GPC5: variants seen among roughly 807,000 people sequenced by gnomAD.
GPC5 encodes the protein glypican-5.
Under a neutral mutation model 53.9 loss-of-function variants are expected in GPC5, and 47 were observed. The ratio of observed to expected loss-of-function variants is 0.87; its 90% CI spans 0.69 to 1.11. The LOEUF (loss-of-function observed/expected upper bound fraction) is 1.11. GPC5 is among the 50% of genes most tolerant of loss of function. The probability of loss-of-function intolerance (pLI) is 0.00; values close to 1 mark genes in which losing one functional copy is unlikely to be tolerated. For missense variants in GPC5, 748 were observed against 713.1 expected, an observed-to-expected ratio of 1.05 and a Z score of -0.56; for synonymous variants, 286 against 263.3, an observed-to-expected ratio of 1.09 and a Z score of -0.84.
At chr13:91,658,285 T>C (rs766747930) in intron 2 of GPC5, among the ~76,000 whole-genome samples, 90 of 152,158 alleles carry the variant, frequency 5.9e-4, no homozygotes, top group Non-Finnish European at 1.8e-4. Flanking sequence ...TAAAATTCAA[T>C]TGAAATATAA....
chr13:92,544,938 CTTTAAG>C (rs1237026942), intron 7 of GPC5, among the ~76,000 whole-genome samples: 3 of 151,368 alleles, frequency 2.0e-5, no homozygotes, highest in Admixed American at 2.0e-4. Context: ...TTTTATTATA[CTTTAAG>C]TTTTAGGGTA....
chr13:92,784,166 G>A (rs1329825576), intron 7 of GPC5, among the ~76,000 whole-genome samples: 2 of 152,096 alleles, frequency 1.3e-5, no homozygotes, highest in East Asian at 3.8e-4. Flanking sequence ...GGTAAACTCA[G>A]GAACAGTGAG....
intron 7 of GPC5, among the ~76,000 whole-genome samples, chr13:92,838,720 C>T (rs1181490601): frequency 3.3e-5 from 5 of 152,016 alleles, no homozygotes; most frequent in African/African-American, 1.2e-4. Context: ...ACATAAAGAA[C>T]CACTGTAGAA....
chr13:92,774,342 T>C (rs1328128567), intron 7 of GPC5, among the ~76,000 whole-genome samples: 1 of 152,206 alleles, frequency 6.6e-6, no homozygotes, highest in Non-Finnish European at 1.5e-5. Context: ...TAACTTGTAG[T>C]GGTCTGTACA....
chr13:92,610,030 C>CAA (rs56913637), intron 7 of GPC5, among the ~76,000 whole-genome samples: 22,816 of 70,800 alleles, frequency 0.32, 4,887 homozygotes, highest in East Asian at 0.64. Context: ...GACTCCATCT[C>CAA]AAAAAAAAAA....
At chr13:92,680,605 T>C (rs976138305) in intron 7 of GPC5, among the ~76,000 whole-genome samples, 9 of 152,162 alleles carry the variant, frequency 5.9e-5, no homozygotes, top group East Asian at 3.9e-4. Context: ...CCTCATTCTT[T>C]CCATCAAATA....
chr13:92,204,189 G>A (rs1998890), intron 7 of GPC5, among the ~76,000 whole-genome samples: 90,810 of 151,918 alleles, frequency 0.6, 27,829 homozygotes, highest in Middle Eastern at 0.74. Flanking sequence ...CCTAGTGAGA[G>A]ACAAGGAAAT....
intron 2 of GPC5, among the ~76,000 whole-genome samples, chr13:91,664,229 TCAGGCAGG>T (rs2035052218): frequency 6.6e-6 from 1 of 152,228 alleles, no homozygotes; most frequent in African/African-American, 2.4e-5. Flanking sequence ...GTAGCACACT[TCAGGCAGG>T]TTAATTACGC....
intron 7 of GPC5, among the ~76,000 whole-genome samples, chr13:92,544,875 A>G (rs4542527): frequency 6.6e-6 from 1 of 151,768 alleles, no homozygotes; most frequent in African/African-American, 2.4e-5. Context: ...GGGTAAAGTT[A>G]AAAAACTCTC....
intron 2 of GPC5, among the ~76,000 whole-genome samples, chr13:91,648,091 C>A (rs2034604547): frequency 6.6e-6 from 1 of 152,168 alleles, no homozygotes; most frequent in Admixed American, 6.5e-5. Context: ...TTTCTTAGAA[C>A]TTCTTAATAA....
At chr13:91,660,027 A>G (rs1193965017) in intron 2 of GPC5, among the ~76,000 whole-genome samples, 1 of 152,220 alleles carries the variant, frequency 6.6e-6, no homozygotes, top group Non-Finnish European at 1.5e-5. Flanking sequence ...GAAAGGCTTC[A>G]GGTTGTTAGA....
At chr13:91,690,354 T>C (rs1234212910) in intron 2 of GPC5, among the ~76,000 whole-genome samples, 1 of 152,152 alleles carries the variant, frequency 6.6e-6, no homozygotes, top group East Asian at 1.9e-4. Context: ...TAAAACTGAA[T>C]CAGAGAAAAA....
intron 7 of GPC5, among the ~76,000 whole-genome samples, chr13:92,433,486 G>A (rs548358299): frequency 6.6e-6 from 1 of 152,302 alleles, no homozygotes; most frequent in South Asian, 2.1e-4. Flanking sequence ...AGAGTGGAAT[G>A]CTTGAGATTA....
chr13:92,636,962 T>C (rs1885426152), intron 7 of GPC5, among the ~76,000 whole-genome samples: 1 of 152,166 alleles, frequency 6.6e-6, no homozygotes, highest in Non-Finnish European at 1.5e-5. Flanking sequence ...CCAAGAGCTT[T>C]GGAGCCAACC....
chr13:91,749,644 T>G (rs907376613), intron 4 of GPC5, among the ~76,000 whole-genome samples: 1 of 152,206 alleles, frequency 6.6e-6, no homozygotes, highest in African/African-American at 2.4e-5. Flanking sequence ...AGTTCTATTT[T>G]TAGTTCTTTC....
At chr13:92,635,446 A>G (rs1261376292) in intron 7 of GPC5, among the ~76,000 whole-genome samples, 5 of 152,188 alleles carry the variant, frequency 3.3e-5, no homozygotes, top group Non-Finnish European at 7.4e-5. Context: ...AGGAAGTGGA[A>G]GGTAGAAGTT....
chr13:92,645,056 A>G (rs1885722045), intron 7 of GPC5, among the ~76,000 whole-genome samples: 1 of 152,186 alleles, frequency 6.6e-6, no homozygotes, highest in Admixed American at 6.5e-5. Context: ...TACTTGCACA[A>G]TTCAACATGT....
intron 3 of GPC5, among the ~76,000 whole-genome samples, chr13:91,722,438 C>T (rs1387785518): frequency 2.0e-5 from 3 of 152,148 alleles, no homozygotes; most frequent in East Asian, 3.9e-4. Context: ...TAAATGGACC[C>T]ATACAGTAAG....
chr13:91,699,933 T>C (rs1246470323), intron 3 of GPC5, among the ~76,000 whole-genome samples: 1 of 152,222 alleles, frequency 6.6e-6, no homozygotes, highest in Non-Finnish European at 1.5e-5. Flanking sequence ...AAGGTAATTT[T>C]GTTTTTTTTC....
Sources: gnomAD v4.1 joint callset for allele counts (sites outside exome capture counted in the v4.1 genomes callset) on GRCh38, gnomAD v4.1.1 for gene constraint, MANE v1.5 for transcripts, NCBI Gene and HGNC (gene_info 2026-07-23, HGNC 2026-07-21) for gene names.